The following GADL1 variants were observed in gnomAD, a reference collection of about 807,000 sequenced individuals.
GADL1 encodes the protein acidic amino acid decarboxylase GADL1.
A neutral mutation model predicts 69.5 loss-of-function variants in GADL1; 71 were observed. That is an observed-to-expected ratio of 1.02 (90% CI 0.84 to 1.25). The LOEUF (loss-of-function observed/expected upper bound fraction) is 1.25. GADL1 is among the 50% of genes most tolerant of loss of function. The pLI is 0.00. For synonymous variants in GADL1, 254 were observed against 214.4 expected, an observed-to-expected ratio of 1.18 and a Z score of -1.62; for missense variants, 737 against 631.8, an observed-to-expected ratio of 1.17 and a Z score of -1.79.
At chr3:30,876,945 A>G (rs1199792445) in intron 1 of GADL1, among the ~76,000 whole-genome samples, 1 of 151,852 alleles carries the variant, frequency 6.6e-6, no homozygotes, top group African/African-American at 2.4e-5. Context: ...CACCTTACAA[A>G]CTAACTAACC....
chr3:30,805,541 G>A (rs1697234479), intron 11 of GADL1, among the ~76,000 whole-genome samples: 1 of 152,052 alleles, frequency 6.6e-6, no homozygotes, highest in Non-Finnish European at 1.5e-5. Context: ...GAATACTTGT[G>A]AATCTGGTAA....
At chr3:30,850,484 A>C (rs1039906779) in intron 5 of GADL1, among the ~76,000 whole-genome samples, 2 of 152,180 alleles carry the variant, frequency 1.3e-5, no homozygotes, top group Non-Finnish European at 2.9e-5. Flanking sequence ...TGGCTACAAA[A>C]AAGGACTACA....
At chr3:30,862,780 AAT>A (rs2125537426) in intron 1 of GADL1, among the ~76,000 whole-genome samples, 1 of 152,064 alleles carries the variant, frequency 6.6e-6, no homozygotes, top group Non-Finnish European at 1.5e-5. Context: ...AGCACACATG[AAT>A]ATGTTTCTCC....
intron 14 of GADL1, among the ~76,000 whole-genome samples, chr3:30,733,427 A>T (rs1417045075): frequency 6.6e-6 from 1 of 152,088 alleles, no homozygotes; most frequent in Non-Finnish European, 1.5e-5. Flanking sequence ...TTTCTATGTC[A>T]ACTTGAGGAG....
At chr3:30,841,703 G>A (rs1697968608) in intron 8 of GADL1, among the ~76,000 whole-genome samples, 1 of 152,118 alleles carries the variant, frequency 6.6e-6, no homozygotes, top group Non-Finnish European at 1.5e-5. Flanking sequence ...AATGGGTCTA[G>A]ACAATGATCA....
chr3:30,762,049 C>CT (rs763910340), intron 14 of GADL1, among the ~76,000 whole-genome samples: 1 of 152,150 alleles, frequency 6.6e-6, no homozygotes, highest in Non-Finnish European at 1.5e-5. Flanking sequence ...GGTGAGAGGT[C>CT]TGGATGCAGG....
At chr3:30,751,712 G>C (rs570845928) in intron 14 of GADL1, among the ~76,000 whole-genome samples, 1 of 152,182 alleles carries the variant, frequency 6.6e-6, no homozygotes, top group Admixed American at 6.5e-5. Flanking sequence ...TCATAGACAC[G>C]GAGATCTATG....
At chr3:30,768,553 GAGAGAGAAGGGGT>G (rs1238292766) in intron 14 of GADL1, among the ~76,000 whole-genome samples, 1 of 124,012 alleles carries the variant, frequency 8.1e-6, no homozygotes, top group African/African-American at 2.7e-5. Flanking sequence ...AGAAGAGGGG[GAGAGAGAAGGGGT>G]GGGGAGGGGG....
chr3:30,871,971 A>AT (rs918206074), intron 1 of GADL1, among the ~76,000 whole-genome samples: 12 of 151,952 alleles, frequency 7.9e-5, no homozygotes, highest in African/African-American at 2.9e-4. Flanking sequence ...AAGAGAGTAG[A>AT]TTTTTCAGAG....
At chr3:30,858,444 G>T (rs1242229292) in intron 2 of GADL1, among the ~76,000 whole-genome samples, 1 of 151,986 alleles carries the variant, frequency 6.6e-6, no homozygotes, top group Non-Finnish European at 1.5e-5. Flanking sequence ...GCAAGAGAAG[G>T]TGATGATCTG....
At chr3:30,810,524 C>T (rs531701877) in intron 11 of GADL1, among the ~76,000 whole-genome samples, 2 of 152,246 alleles carry the variant, frequency 1.3e-5, no homozygotes, top group South Asian at 2.1e-4. Flanking sequence ...AGGTCAGTTG[C>T]TTCTTTCCTT....
intron 14 of GADL1, among the ~76,000 whole-genome samples, chr3:30,731,709 T>C (rs943154264): frequency 6.6e-6 from 1 of 152,218 alleles, no homozygotes; most frequent in Non-Finnish European, 1.5e-5. Context: ...AATATATGAC[T>C]CAGAGAACTA....
intron 1 of GADL1, among the ~76,000 whole-genome samples, chr3:30,876,051 T>C (rs920552752): frequency 1.3e-5 from 2 of 152,016 alleles, no homozygotes; most frequent in African/African-American, 4.8e-5. Flanking sequence ...AATGTTTTCT[T>C]CAGTTCCTGC....
chr3:30,823,294 A>T (rs1276349985), intron 11 of GADL1, among the ~76,000 whole-genome samples: 1 of 151,986 alleles, frequency 6.6e-6, no homozygotes, highest in Non-Finnish European at 1.5e-5. Context: ...GTGTCCACCA[A>T]GTGTGGAGAC....
chr3:30,817,150 C>T (rs140417798), intron 11 of GADL1, among the ~76,000 whole-genome samples: 33 of 152,162 alleles, frequency 2.2e-4, no homozygotes, highest in African/African-American at 6.3e-4. Flanking sequence ...GCCTGGCATG[C>T]GTGTCTGTTT....
At chr3:30,764,182 C>G (rs1418222767) in intron 14 of GADL1, among the ~76,000 whole-genome samples, 2 of 151,526 alleles carry the variant, frequency 1.3e-5, no homozygotes, top group African/African-American at 4.9e-5. Context: ...TTTTTCAAAA[C>G]TTAGTTCTTA....
chr3:30,889,625 T>G (rs1465537414), intron 1 of GADL1, among the ~76,000 whole-genome samples: 1 of 151,842 alleles, frequency 6.6e-6, no homozygotes, highest in East Asian at 1.9e-4. Flanking sequence ...TCCAGTTAAC[T>G]TTTTTTTTCC....
chr3:30,886,571 G>A (rs1698714711), intron 1 of GADL1, among the ~76,000 whole-genome samples: 1 of 152,144 alleles, frequency 6.6e-6, no homozygotes, highest in Admixed American at 6.5e-5. Context: ...CATCATTGAA[G>A]GAGGGGACTC....
intron 14 of GADL1, among the ~76,000 whole-genome samples, chr3:30,756,573 A>AAGT (rs10661846): frequency 0.016 from 2,459 of 152,304 alleles, 76 homozygotes; most frequent in African/African-American, 0.056. Flanking sequence ...AAAACAGCAG[A>AAGT]AGTAATCGTG....
Sources: allele counts gnomAD v4.1 joint callset (sites outside exome capture counted in the v4.1 genomes callset), GRCh38; gene constraint gnomAD v4.1.1; transcripts MANE v1.5; gene names NCBI Gene and HGNC (gene_info 2026-07-23, HGNC 2026-07-21).